The following FAM13C variants were observed in gnomAD, a reference collection of about 807,000 sequenced individuals.
FAM13C encodes protein FAM13C.
A neutral mutation model predicts 73.2 loss-of-function variants in FAM13C; 37 were observed. That is an observed-to-expected ratio of 0.51 (90% confidence interval 0.39 to 0.67). The LOEUF (loss-of-function observed/expected upper bound fraction) is 0.67. Among genes scored for constraint, FAM13C ranks in the 30% least tolerant of loss-of-function variants. The pLI is 0.00. For synonymous variants in FAM13C, 246 were observed against 260.9 expected (o/e 0.94, Z 0.55); for missense variants, 589 against 715.6 (o/e 0.82, Z 2.02).
intron 3 of FAM13C, among the ~76,000 whole-genome samples, chr10:59,347,073 C>T (rs1303133621): frequency 6.6e-6 from 1 of 151,982 alleles, no homozygotes; most frequent in Non-Finnish European, 1.5e-5. Context: ...TTTTGCAAAG[C>T]CTATTGTCTA....
chr10:59,311,722 C>T lies in FAM13C; in HGVS notation c.444-8858G>A, dbSNP rs72808557. 1.5e-3 allele frequency among the ~76,000 whole-genome samples: 227 copies of T among 152,266 alleles called. 1 individual carries two copies. The highest frequency in any genetic ancestry group is 2.8e-3 in the Non-Finnish European group (188 of 68,012). On this transcript the variant is annotated intron_variant, in intron 4 of 13. Transcript: ENST00000618804. The stretch of plus-strand genomic sequence containing the variant: ...AACTCCCCTGGGAGCAGCCCGCAGC[C>T]GGAAGAGAAGGTGGGGTGTGTGTGT...
intron 3 of FAM13C, among the ~76,000 whole-genome samples, chr10:59,335,405 T>C (rs1589664663): frequency 1.3e-5 from 2 of 152,278 alleles, no homozygotes. Flanking sequence ...ATTTGATACA[T>C]AGCAATTATC....
intron 8 of FAM13C, 131 bp downstream of exon 8, chr10:59,268,422 G>A: frequency 3.6e-6 from 4 of 1,105,382 alleles, no homozygotes; most frequent in South Asian, 1.5e-5. Flanking sequence ...TCTATGATAG[G>A]TCCAGGTTGG....
At chr10:59,312,383 C>G (rs1044269822) in intron 4 of FAM13C, among the ~76,000 whole-genome samples, 5 of 152,140 alleles carry the variant, frequency 3.3e-5, no homozygotes, top group African/African-American at 1.2e-4. Context: ...AGTCATGAGT[C>G]TCTATCCTTC....
At chr10:59,357,354 T>G (rs561834171) in intron 1 of FAM13C, among the ~76,000 whole-genome samples, 1 of 152,352 alleles carries the variant, frequency 6.6e-6, no homozygotes, top group South Asian at 2.1e-4. Context: ...TTTGTACCAC[T>G]GAGATCTTTT....
intron 3 of FAM13C, among the ~76,000 whole-genome samples, chr10:59,333,237 T>C (rs1308551368): frequency 6.6e-6 from 1 of 152,260 alleles, no homozygotes; most frequent in East Asian, 1.9e-4. Flanking sequence ...ACCTCTTACT[T>C]GCACTTTGAG....
chr10:59,262,323 A>G (rs1842586365), intron 10 of FAM13C, 111 bp downstream of exon 10: 1 of 960,438 alleles, frequency 1.0e-6, no homozygotes, highest in African/African-American at 1.6e-5. Context: ...TTTTGGAGCC[A>G]GGCTAATAAA....
chr10:59,305,114 A>G (rs962268645), intron 4 of FAM13C, among the ~76,000 whole-genome samples: 12 of 152,222 alleles, frequency 7.9e-5, no homozygotes. Context: ...GTATTCTGCA[A>G]TAGCAACACT....
chr10:59,355,926 A>G lies in FAM13C; in HGVS notation c.80T>C (p.Val27Ala). 6.2e-7 allele frequency: 1 copy of G among 1,614,032 alleles called. No individual in the cohort carries two copies. The highest frequency in any genetic ancestry group is 2.2e-5 in the East Asian group (1 of 44,868). ...ATCAGTCTGGTCTTCATGTAGAGAGACTGGATCTTCGTCACACCTGGAAGA... is the reference window on the plus strand; with the variant it reads ...ATCAGTCTGGTCTTCATGTAGAGAGGCTGGATCTTCGTCACACCTGGAAGA... ...TTVTECDEDPVSLHEDQTDCS... is the reference protein window; with the variant it reads ...TTVTECDEDPASLHEDQTDCS... Residue 27 changes from valine (V) to alanine (A), a missense_variant, in exon 2 of 14, where the codon GTC becomes GCC. Val to Ala is a moderately conservative substitution (Grantham distance 64). Coordinates refer to ENST00000618804, the MANE Select transcript of FAM13C (RefSeq NM_198215.4).
intron 3 of FAM13C, among the ~76,000 whole-genome samples, chr10:59,344,336 C>A (rs1382986031): frequency 1.5e-5 from 2 of 137,224 alleles, no homozygotes; most frequent in African/African-American, 5.5e-5. Context: ...TGGAGTGCAG[C>A]AGCGCGATCT....
At chr10:59,286,550 A>G (rs1400759346) in intron 5 of FAM13C, among the ~76,000 whole-genome samples, 1 of 103,910 alleles carries the variant, frequency 9.6e-6, no homozygotes, top group East Asian at 2.6e-4. Context: ...TATTCATCAT[A>G]CAGAAAGTAG....
chr10:59,337,677 T>C (rs1217865368), intron 3 of FAM13C, among the ~76,000 whole-genome samples: 3 of 73,458 alleles, frequency 4.1e-5, no homozygotes, highest in Admixed American at 1.3e-4. Context: ...CTTTTTTTTT[T>C]TTTTTTTTTT....
At chr10:59,284,401 A>G (rs997813950) in intron 5 of FAM13C, among the ~76,000 whole-genome samples, 4 of 151,856 alleles carry the variant, frequency 2.6e-5, no homozygotes, top group Admixed American at 6.6e-5. Flanking sequence ...CTGTCCTCCC[A>G]GCTCCAGCAG....
In FAM13C at chr10:59,258,491, T is replaced by G. The variant is rs941082544; in HGVS notation, c.1236+3943A>C. Among the ~76,000 whole-genome samples the G allele has an allele frequency of 2.6e-5, 4 of 152,062 alleles. No individual in the cohort carries two copies. In the South Asian group the frequency reaches 8.3e-4, roughly 32 times the overall value. On this transcript the variant is annotated intron_variant, in intron 10 of 13. Transcript: ENST00000618804. ...AAGTGACACCCTGTCTCTAAAAAAT[T>G]TAAAATAAAAAGGAATGTATATTGA...
At chr10:59,270,417 G>T (rs938551314) in intron 6 of FAM13C, 33 of 251,606 alleles carry the variant, frequency 1.3e-4, no homozygotes, top group African/African-American at 7.2e-4. Flanking sequence ...AAGTCAGAGG[G>T]TATATTACAA....
intron 6 of FAM13C, among the ~76,000 whole-genome samples, chr10:59,272,888 G>A (rs967507903): frequency 2.6e-5 from 4 of 152,082 alleles, no homozygotes; most frequent in South Asian, 2.1e-4. Context: ...TATATACTAC[G>A]TTTTTTCCTA....
At chr10:59,356,792 A>C (rs1291198533) in intron 1 of FAM13C, among the ~76,000 whole-genome samples, 1 of 152,182 alleles carries the variant, frequency 6.6e-6, no homozygotes, top group Non-Finnish European at 1.5e-5. Context: ...AAGGAGATTA[A>C]CATTTGAGTC....
intron 6 of FAM13C, 145 bp downstream of exon 6, chr10:59,283,218 C>T: frequency 1.3e-6 from 1 of 794,754 alleles, no homozygotes; most frequent in Non-Finnish European, 2.1e-6. Flanking sequence ...CTCAGCAACT[C>T]CTGGGCAACT....
chr10:59,360,254 A>G (rs1856229473), intron 1 of FAM13C, among the ~76,000 whole-genome samples: 1 of 152,218 alleles, frequency 6.6e-6, no homozygotes, highest in African/African-American at 2.4e-5. Flanking sequence ...CAAGGGCACA[A>G]ACTTTTTAAT....
Sources: gnomAD v4.1 joint callset for allele counts (sites outside exome capture counted in the v4.1 genomes callset) on GRCh38, gnomAD v4.1.1 for gene constraint, MANE v1.5 for transcripts, NCBI Gene and HGNC (gene_info 2026-07-23, HGNC 2026-07-21) for gene names.